Variants in TRAPPC9 observed in about 807,000 individuals in gnomAD.
TRAPPC9 encodes the protein trafficking protein particle complex subunit 9, also known as IKK2 binding protein.
A neutral mutation model predicts 124.0 loss-of-function variants in TRAPPC9; 83 were observed. The observed-to-expected ratio is 0.67, with a 90% CI of 0.56 to 0.80. TRAPPC9 has a LOEUF of 0.80. Among genes scored for constraint, TRAPPC9 ranks in the 30% least tolerant of loss-of-function variants. The probability of loss-of-function intolerance (pLI) is 0.00; values close to 1 mark genes in which losing one functional copy is unlikely to be tolerated. For missense variants in TRAPPC9, 1,302 were observed against 1,508.3 expected (o/e 0.86, Z 2.27); for synonymous variants, 638 against 617.5 (o/e 1.03, Z -0.49).
At chr8:140,056,613 C>G (rs980246988) in intron 17 of TRAPPC9, among the ~76,000 whole-genome samples, 2 of 151,748 alleles carry the variant, frequency 1.3e-5, no homozygotes, top group Non-Finnish European at 2.9e-5. Context: ...CACCCACAAG[C>G]AGAAGAATAA....
At chr8:140,404,765 T>C (rs1399893442) in intron 6 of TRAPPC9, among the ~76,000 whole-genome samples, 1 of 149,912 alleles carries the variant, frequency 6.7e-6, no homozygotes, top group Non-Finnish European at 1.5e-5. Flanking sequence ...TACGTGCATG[T>C]GTGTGCGTGT....
At chr8:139,821,255 G>A (rs569035375) in intron 21 of TRAPPC9, among the ~76,000 whole-genome samples, 2 of 152,382 alleles carry the variant, frequency 1.3e-5, no homozygotes, top group East Asian at 1.9e-4. Flanking sequence ...CGAAAAGCAA[G>A]TGAAAGCAGC....
At chr8:139,893,947 G>C (rs1212954910) in intron 20 of TRAPPC9, among the ~76,000 whole-genome samples, 1 of 152,182 alleles carries the variant, frequency 6.6e-6, no homozygotes, top group East Asian at 1.9e-4. Flanking sequence ...ACAGGGGCAC[G>C]GGGCAGATGC....
chr8:140,318,465 A>G (rs903972875), intron 9 of TRAPPC9, among the ~76,000 whole-genome samples: 3 of 152,200 alleles, frequency 2.0e-5, no homozygotes, highest in Non-Finnish European at 4.4e-5. Flanking sequence ...ACAGATCTCA[A>G]AAAAAGTCAA....
intron 21 of TRAPPC9, among the ~76,000 whole-genome samples, chr8:139,807,056 A>C (rs1236668739): frequency 1.3e-5 from 2 of 152,174 alleles, no homozygotes; most frequent in Non-Finnish European, 2.9e-5. Flanking sequence ...AGGCAGGAGG[A>C]AGCCTGTCAC....
At chr8:139,852,709 C>T (rs1827561638) in intron 21 of TRAPPC9, among the ~76,000 whole-genome samples, 1 of 152,206 alleles carries the variant, frequency 6.6e-6, no homozygotes, top group Non-Finnish European at 1.5e-5. Context: ...CATTTTCTCC[C>T]TCTGGGCTGG....
intron 18 of TRAPPC9, 113 bp from the exon 19 acceptor site, chr8:139,988,949 G>T (rs545227848): frequency 2.7e-6 from 2 of 736,230 alleles, no homozygotes; most frequent in African/African-American, 3.5e-5. Context: ...AAAGTATATC[G>T]AAATGCCAAG....
chr8:140,414,200 G>C (rs995285308), intron 5 of TRAPPC9, among the ~76,000 whole-genome samples: 9 of 152,012 alleles, frequency 5.9e-5, no homozygotes, highest in Non-Finnish European at 4.4e-5. Flanking sequence ...AAGGAAGCAT[G>C]ACCAAAAAAT....
intron 16 of TRAPPC9, among the ~76,000 whole-genome samples, chr8:140,222,568 C>T (rs954898617): frequency 2.6e-5 from 4 of 152,206 alleles, no homozygotes; most frequent in African/African-American, 9.7e-5. Flanking sequence ...AGGGGGCTCA[C>T]ACCCTGCCCC....
intron 21 of TRAPPC9, among the ~76,000 whole-genome samples, chr8:139,807,799 A>C (rs960410448): frequency 7.9e-5 from 12 of 152,102 alleles, no homozygotes; most frequent in African/African-American, 2.4e-4. Context: ...CTCAATATAA[A>C]TCAGATAAAT....
chr8:139,782,368 C>T (rs1199791409), intron 21 of TRAPPC9, among the ~76,000 whole-genome samples: 1 of 152,084 alleles, frequency 6.6e-6, no homozygotes, highest in Non-Finnish European at 1.5e-5. Context: ...CACAGGGGCC[C>T]CGCTCCCAGA....
At chr8:140,054,765 C>A (rs763416353) in intron 17 of TRAPPC9, among the ~76,000 whole-genome samples, 50 of 151,764 alleles carry the variant, frequency 3.3e-4, no homozygotes, top group African/African-American at 1.2e-3. Context: ...GACTATGAAC[C>A]ATTACACAAC....
intron 21 of TRAPPC9, among the ~76,000 whole-genome samples, chr8:139,814,342 G>A (rs1586904612): frequency 1.3e-5 from 2 of 152,310 alleles, no homozygotes; most frequent in Non-Finnish European, 2.9e-5. Context: ...AGTCACCGTC[G>A]CTGCTCAGAA....
At chr8:140,388,681 C>T (rs2068829468) in intron 7 of TRAPPC9, among the ~76,000 whole-genome samples, 1 of 148,054 alleles carries the variant, frequency 6.8e-6, no homozygotes. Context: ...GACTCCATCT[C>T]AAAAAAAAAT....
At chr8:140,082,670 T>C (rs1428329758) in intron 17 of TRAPPC9, among the ~76,000 whole-genome samples, 2 of 152,244 alleles carry the variant, frequency 1.3e-5, no homozygotes, top group Non-Finnish European at 2.9e-5. Context: ...GATGTTCACA[T>C]TAATTTTTCT....
intron 21 of TRAPPC9, among the ~76,000 whole-genome samples, chr8:139,761,420 G>A (rs571680148): frequency 1.3e-5 from 2 of 152,296 alleles, no homozygotes; most frequent in South Asian, 4.1e-4. Flanking sequence ...CAAGAAGGCC[G>A]AGTTAAAATG....
At position 139,988,983 on chromosome 8, in the gene TRAPPC9, G is replaced by A. The variant is rs116537204; in HGVS notation, c.2700-147C>T. On this transcript the variant is annotated intron_variant, in intron 18 of 22. Coordinates refer to ENST00000438773, the MANE Select transcript of TRAPPC9 (RefSeq NM_001160372.4). ...AGTGCTCCTGGGCTCAGAGGATTAC[G>A]GAGACTGGTTCTGAACACGAGTGTG... The A allele has an allele frequency of 1.1e-3, 743 of 693,106 alleles. 4 individuals carry two copies. The African/African-American group carries it at 0.011, about 11-fold the overall frequency. 42.9% of individuals were successfully genotyped at this position (693,106 alleles called of 1,614,324 possible).
chr8:139,732,398 C>T (rs139038849), intron 21 of TRAPPC9, among the ~76,000 whole-genome samples, 196 bp from the exon 22 acceptor site: 26 of 152,342 alleles, frequency 1.7e-4, no homozygotes, highest in Non-Finnish European at 3.4e-4. Context: ...CTGGCAAAGA[C>T]GGGTGTGGTG....
intron 7 of TRAPPC9, among the ~76,000 whole-genome samples, chr8:140,382,513 G>T (rs1410790074): frequency 6.6e-6 from 1 of 151,406 alleles, no homozygotes; most frequent in Non-Finnish European, 1.5e-5. Flanking sequence ...GGCTGGGAGG[G>T]TCCCACGCCC....
Sources: gnomAD v4.1 joint callset for allele counts (sites outside exome capture counted in the v4.1 genomes callset) on GRCh38, gnomAD v4.1.1 for gene constraint, MANE v1.5 for transcripts, NCBI Gene and HGNC (gene_info 2026-07-23, HGNC 2026-07-21) for gene names.